LRRTM4: variants seen among roughly 807,000 people sequenced by gnomAD.
LRRTM4 encodes the protein leucine-rich repeat transmembrane neuronal protein 4.
In LRRTM4, 25 loss-of-function variants were observed where a neutral mutation model predicts 47.6. That is an observed-to-expected ratio of 0.53 (90% confidence interval 0.38 to 0.73). The LOEUF is 0.73. Ranked by LOEUF, LRRTM4 falls within the 30% of genes least tolerant of loss-of-function variation. The probability of loss-of-function intolerance (pLI) is 0.00; values close to 1 mark genes in which losing one functional copy is unlikely to be tolerated. For synonymous variants in LRRTM4, 311 were observed against 269.5 expected (o/e 1.15, Z -1.51); for missense variants, 638 against 713.4 (o/e 0.89, Z 1.20).
intron 3 of LRRTM4, among the ~76,000 whole-genome samples, chr2:77,503,619 AAG>A (rs1246712838): frequency 2.0e-5 from 3 of 151,518 alleles, no homozygotes; most frequent in Non-Finnish European, 4.4e-5. Flanking sequence ...TGAGATCAGA[AAG>A]AGAGGGTGAG....
Position 77,518,742 on chromosome 2 carries a change from T to C in LRRTM4, c.1127A>G (p.Gln376Arg), listed in dbSNP as rs201422014. Reference sequence around the variant, plus strand: ...GATAATCAGAGGTTTCTGGGGAGTTTGGGGCACCAGGTGTGATCTTTCTGT... The same window carrying C: ...GATAATCAGAGGTTTCTGGGGAGTTCGGGGCACCAGGTGTGATCTTTCTGT... ...VNTERSHLVP[Q>R]TPQKPLIIPR... Residue 376 changes from glutamine to arginine, a missense_variant, in exon 3 of 4, where the codon CAA becomes CGA. Gln to Arg is a conservative substitution (Grantham distance 43). Coordinates refer to ENST00000409884, the MANE Select transcript of LRRTM4 (RefSeq NM_001134745.3). 9 of 1,613,430 alleles carry C rather than the reference T, an allele frequency of 5.6e-6. No individual in the cohort carries two copies. The East Asian group carries it at 1.1e-4, about 20-fold the overall frequency.
chr2:76,846,305 A>T (rs1671835679), intron 3 of LRRTM4, among the ~76,000 whole-genome samples: 1 of 152,166 alleles, frequency 6.6e-6, no homozygotes. Context: ...CCGCCTTAGA[A>T]GGTGCCCCAG....
At chr2:76,817,655 G>C (rs1034874370) in intron 3 of LRRTM4, among the ~76,000 whole-genome samples, 1 of 151,974 alleles carries the variant, frequency 6.6e-6, no homozygotes, top group Non-Finnish European at 1.5e-5. Context: ...GCCAGAGAAT[G>C]AGGCTATGCC....
intron 3 of LRRTM4, among the ~76,000 whole-genome samples, chr2:76,887,168 G>C (rs1056401954): frequency 6.6e-6 from 1 of 151,440 alleles, no homozygotes; most frequent in South Asian, 2.1e-4. Flanking sequence ...TTACCATAAA[G>C]AAGTATACAT....
At chr2:77,126,641 G>T (rs1671658935) in intron 3 of LRRTM4, among the ~76,000 whole-genome samples, 1 of 152,164 alleles carries the variant, frequency 6.6e-6, no homozygotes, top group Non-Finnish European at 1.5e-5. Flanking sequence ...AGTGAAATAT[G>T]CGTTGTAAAG....
At chr2:77,201,700 G>A (rs1673979504) in intron 3 of LRRTM4, among the ~76,000 whole-genome samples, 1 of 152,156 alleles carries the variant, frequency 6.6e-6, no homozygotes, top group Non-Finnish European at 1.5e-5. Context: ...TATGTGCCAA[G>A]GGGTAACATT....
intron 3 of LRRTM4, among the ~76,000 whole-genome samples, chr2:77,078,912 G>C (rs952257084): frequency 6.6e-6 from 1 of 152,146 alleles, no homozygotes; most frequent in Non-Finnish European, 1.5e-5. Flanking sequence ...TCTGTTTCTG[G>C]TGAGGACTCT....
intron 3 of LRRTM4, among the ~76,000 whole-genome samples, chr2:77,176,281 C>T (rs1045826047): frequency 2.6e-5 from 4 of 152,120 alleles, no homozygotes; most frequent in Non-Finnish European, 5.9e-5. Context: ...ACTGGTCACC[C>T]ATCACTTTAG....
At chr2:77,331,239 A>G (rs1260799902) in intron 3 of LRRTM4, among the ~76,000 whole-genome samples, 1 of 152,120 alleles carries the variant, frequency 6.6e-6, no homozygotes, top group East Asian at 1.9e-4. Context: ...ACAGATGTAT[A>G]TTCTTTCCAT....
At chr2:76,982,880 T>C (rs1471148428) in intron 3 of LRRTM4, among the ~76,000 whole-genome samples, 2 of 152,066 alleles carry the variant, frequency 1.3e-5, no homozygotes, top group Non-Finnish European at 2.9e-5. Flanking sequence ...TCACAATTTA[T>C]ATTAAAAAAA....
chr2:77,226,114 A>G (rs1201120526), intron 3 of LRRTM4, among the ~76,000 whole-genome samples: 2 of 151,774 alleles, frequency 1.3e-5, no homozygotes, highest in South Asian at 4.1e-4. Context: ...TAATATGTTT[A>G]TGTGTTATGT....
chr2:76,961,411 A>G (rs1280253612), intron 3 of LRRTM4, among the ~76,000 whole-genome samples: 1 of 151,446 alleles, frequency 6.6e-6, no homozygotes, highest in African/African-American at 2.4e-5. Flanking sequence ...CAAAGAAAAA[A>G]AAAAACTCAT....
At chr2:77,204,748 G>A (rs531186852) in intron 3 of LRRTM4, among the ~76,000 whole-genome samples, 8 of 152,254 alleles carry the variant, frequency 5.3e-5, no homozygotes, top group African/African-American at 1.9e-4. Flanking sequence ...GAAGGTAGCA[G>A]CCTCTTCAAC....
At chr2:76,983,155 G>C (rs933667443) in intron 3 of LRRTM4, among the ~76,000 whole-genome samples, 1 of 151,998 alleles carries the variant, frequency 6.6e-6, no homozygotes, top group African/African-American at 2.4e-5. Context: ...CCAGTGTAGA[G>C]AAAGTTACTG....
chr2:76,985,762 T>C lies in LRRTM4; in HGVS notation c.1552-236846A>G, dbSNP rs536046113. The stretch of plus-strand genomic sequence containing the variant: ...AAAACACCGGCTTTTTTGAATGGCA[T>C]TGTGTTTGTATATTATAGTGGCTCT... On this transcript the variant is annotated intron_variant, in intron 3 of 3. Coordinates refer to ENST00000409884, the MANE Select transcript of LRRTM4 (RefSeq NM_001134745.3). Among the ~76,000 whole-genome samples the C allele has an allele frequency of 5.9e-5, 9 of 152,116 alleles. No individual in the cohort carries two copies. In the South Asian group the frequency reaches 1.9e-3, roughly 32 times the overall value.
chr2:77,477,069 T>C (rs180931703), intron 3 of LRRTM4, among the ~76,000 whole-genome samples: 76 of 151,318 alleles, frequency 5.0e-4, no homozygotes, highest in African/African-American at 1.7e-3. Context: ...TCTCCTGAAA[T>C]AGAAAAATAA....
intron 3 of LRRTM4, among the ~76,000 whole-genome samples, chr2:76,909,236 A>C (rs996221798): frequency 3.3e-5 from 5 of 152,192 alleles, no homozygotes; most frequent in Non-Finnish European, 5.9e-5. Flanking sequence ...AAAAACAAGC[A>C]ATGGGGAAAG....
At chr2:77,301,621 G>A (rs1438387590) in intron 3 of LRRTM4, among the ~76,000 whole-genome samples, 2 of 152,134 alleles carry the variant, frequency 1.3e-5, no homozygotes, top group Admixed American at 1.3e-4. Flanking sequence ...TCTGAGAGTT[G>A]AACTATAATT....
At chr2:77,339,977 A>C (rs1378806481) in intron 3 of LRRTM4, among the ~76,000 whole-genome samples, 1 of 152,002 alleles carries the variant, frequency 6.6e-6, no homozygotes, top group African/African-American at 2.4e-5. Context: ...ATAAATCTAT[A>C]TTTTGAATAT....
Sources: allele counts gnomAD v4.1 joint callset (sites outside exome capture counted in the v4.1 genomes callset), GRCh38; gene constraint gnomAD v4.1.1; transcripts MANE v1.5; gene names NCBI Gene and HGNC (gene_info 2026-07-23, HGNC 2026-07-21).